ADAMTS3: variants seen among roughly 807,000 people sequenced by gnomAD.
The protein encoded by ADAMTS3 is ADAM metallopeptidase with thrombospondin type 1 motif 3.
A neutral mutation model predicts 129.0 loss-of-function variants in ADAMTS3; 73 were observed. The observed-to-expected ratio is 0.57, with a 90% CI of 0.47 to 0.69. The LOEUF is 0.69. ADAMTS3 is among the 30% of genes least tolerant of loss of function. The probability of loss-of-function intolerance (pLI) is 0.00; values close to 1 mark genes in which losing one functional copy is unlikely to be tolerated. For missense variants in ADAMTS3, 1,457 were observed against 1,514.5 expected, an observed-to-expected ratio of 0.96 and a Z score of 0.63; for synonymous variants, 477 against 510.8, an observed-to-expected ratio of 0.93 and a Z score of 0.89.
chr4:72,416,765 C>T (rs1280705445), intron 3 of ADAMTS3, among the ~76,000 whole-genome samples: 1 of 152,100 alleles, frequency 6.6e-6, no homozygotes, highest in African/African-American at 2.4e-5. Context: ...TAATTTTAAT[C>T]TATTCTATAT....
At chr4:72,558,351 A>G (rs2623530) in intron 2 of ADAMTS3, among the ~76,000 whole-genome samples, 145,999 of 151,542 alleles carry the variant, frequency 0.96, 70,724 homozygotes, top group East Asian at 1. Context: ...GAGGCCACCG[A>G]CATCGCCTGG....
chr4:72,467,315 C>G (rs989051010), intron 3 of ADAMTS3, among the ~76,000 whole-genome samples: 17 of 152,062 alleles, frequency 1.1e-4, no homozygotes, highest in African/African-American at 3.9e-4. Context: ...TACTCTACAG[C>G]CTTGTCTCAG....
chr4:72,484,446 T>TA (rs1164324892), intron 3 of ADAMTS3, among the ~76,000 whole-genome samples: 3 of 152,012 alleles, frequency 2.0e-5, no homozygotes, highest in African/African-American at 4.8e-5. Flanking sequence ...TAAAGCAGGG[T>TA]AAAAAAAGAC....
chr4:72,525,402 C>A (rs1720781162), intron 3 of ADAMTS3, among the ~76,000 whole-genome samples: 1 of 152,138 alleles, frequency 6.6e-6, no homozygotes, highest in African/African-American at 2.4e-5. Flanking sequence ...TCACCACTGA[C>A]ACAATTAGGA....
intron 1 of ADAMTS3, 96 bp downstream of exon 1, chr4:72,568,598 G>T: frequency 1.1e-6 from 1 of 909,672 alleles, no homozygotes. Flanking sequence ...AAGGGTGGGA[G>T]GAGAAGGAGG....
In ADAMTS3 at chr4:72,550,090, A is replaced by AGAG. The variant is rs1721604699; in HGVS notation, c.98-1207_98-1206insCTC. 3.2e-5 allele frequency among the ~76,000 whole-genome samples: 4 copies of AGAG among 123,934 alleles called. 1 individual carries two copies. Among genetic ancestry groups the AGAG allele is most frequent in the Non-Finnish European group, 5.2e-5 (3 of 58,118 alleles). 81.3% of individuals were successfully genotyped at this position (123,934 alleles called of 152,430 possible). ...AAGAGGAAGAGGAAGAGGAAGAAGA[A>AGAG]GAAGAAGAAGAAGAAGAAGAAGAAG... is the stretch of plus-strand genomic sequence containing the variant. On this transcript the variant is annotated intron_variant, in intron 2 of 21. Coordinates refer to ENST00000286657, the MANE Select transcript of ADAMTS3 (RefSeq NM_014243.3).
At chr4:72,443,012 ATATTC>A (rs1217468416) in intron 3 of ADAMTS3, among the ~76,000 whole-genome samples, 1 of 151,756 alleles carries the variant, frequency 6.6e-6, no homozygotes, top group Non-Finnish European at 1.5e-5. Context: ...GGTTTATAAT[ATATTC>A]TATTATTACA....
At chr4:72,478,150 C>A (rs1477786987) in intron 3 of ADAMTS3, among the ~76,000 whole-genome samples, 4 of 152,164 alleles carry the variant, frequency 2.6e-5, no homozygotes, top group African/African-American at 7.2e-5. Context: ...TGAAACTATT[C>A]CAATCAACAG....
intron 3 of ADAMTS3, among the ~76,000 whole-genome samples, chr4:72,505,107 C>T (rs1720123690): frequency 6.6e-6 from 1 of 152,132 alleles, no homozygotes; most frequent in African/African-American, 2.4e-5. Context: ...GTTAGTGAGA[C>T]CCTTTGGTGG....
chr4:72,324,999 T>C (rs900468548), intron 5 of ADAMTS3, among the ~76,000 whole-genome samples: 1 of 152,036 alleles, frequency 6.6e-6, no homozygotes, highest in African/African-American at 2.4e-5. Flanking sequence ...AAAAATAATA[T>C]CTCATAGGGT....
intron 4 of ADAMTS3, among the ~76,000 whole-genome samples, chr4:72,372,629 A>C (rs1721037543): frequency 6.6e-6 from 1 of 152,052 alleles, no homozygotes; most frequent in African/African-American, 2.4e-5. Flanking sequence ...ATTAGCAAGA[A>C]AGATGGGTAT....
At chr4:72,507,432 A>G (rs1343991963) in intron 3 of ADAMTS3, among the ~76,000 whole-genome samples, 10 of 152,144 alleles carry the variant, frequency 6.6e-5, no homozygotes, top group Non-Finnish European at 1.5e-4. Context: ...CTGGAACCTA[A>G]CCATTCCAAT....
At chr4:72,487,038 A>G (rs1719608833) in intron 3 of ADAMTS3, among the ~76,000 whole-genome samples, 1 of 152,156 alleles carries the variant, frequency 6.6e-6, no homozygotes, top group Admixed American at 6.6e-5. Flanking sequence ...ACTTTACAGA[A>G]GAGAAGAAAA....
At chr4:72,434,932 T>C (rs1478660267) in intron 3 of ADAMTS3, among the ~76,000 whole-genome samples, 4 of 151,830 alleles carry the variant, frequency 2.6e-5, no homozygotes, top group African/African-American at 9.7e-5. Flanking sequence ...CTAGCTGACA[T>C]CTAACAAGAA....
At chr4:72,370,351 AATTTGCTTATTATATC>A (rs1465133507) in intron 4 of ADAMTS3, among the ~76,000 whole-genome samples, 1 of 152,020 alleles carries the variant, frequency 6.6e-6, no homozygotes, top group Non-Finnish European at 1.5e-5. Flanking sequence ...TTCAAATTGC[AATTTGCTTATTATATC>A]ATTTGCTTAT....
chr4:72,471,694 T>C (rs1245544350), intron 3 of ADAMTS3, among the ~76,000 whole-genome samples: 2 of 152,050 alleles, frequency 1.3e-5, no homozygotes, highest in East Asian at 3.9e-4. Flanking sequence ...CATCTTCCTC[T>C]TGAATTTTTT....
intron 4 of ADAMTS3, among the ~76,000 whole-genome samples, chr4:72,413,874 A>C (rs1722240547): frequency 6.6e-6 from 1 of 151,848 alleles, no homozygotes; most frequent in Admixed American, 6.6e-5. Context: ...AATTTCTTTA[A>C]AATTTTCAAG....
chr4:72,497,317 G>A (rs1284155096), intron 3 of ADAMTS3, among the ~76,000 whole-genome samples: 1 of 151,804 alleles, frequency 6.6e-6, no homozygotes, highest in Non-Finnish European at 1.5e-5. Flanking sequence ...AAAAATGCAG[G>A]ATAAGCAAGG....
At chr4:72,533,282 G>T (rs908404681) in intron 3 of ADAMTS3, among the ~76,000 whole-genome samples, 4 of 152,072 alleles carry the variant, frequency 2.6e-5, no homozygotes, top group Non-Finnish European at 5.9e-5. Flanking sequence ...CCTACACAGA[G>T]TCAGATTCAT....
Sources: allele counts gnomAD v4.1 joint callset (sites outside exome capture counted in the v4.1 genomes callset), GRCh38; gene constraint gnomAD v4.1.1; transcripts MANE v1.5; gene names NCBI Gene and HGNC (gene_info 2026-07-23, HGNC 2026-07-21).